Variants in DDX10 observed in about 807,000 individuals in gnomAD.
DDX10 encodes probable ATP-dependent RNA helicase DDX10.
DDX10 carries 74 observed loss-of-function variants against 104.3 expected under a neutral mutation model. The ratio of observed to expected loss-of-function variants is 0.71; its 90% CI spans 0.59 to 0.86. The LOEUF is 0.86. Among genes scored for constraint, DDX10 ranks in the 40% least tolerant of loss-of-function variants. The pLI, the probability that DDX10 is intolerant of heterozygous loss-of-function variation, is 0.00. For synonymous variants in DDX10, 351 were observed against 353.4 expected, an observed-to-expected ratio of 0.99 and a Z score of 0.08; for missense variants, 952 against 1,040.0, an observed-to-expected ratio of 0.92 and a Z score of 1.16.
chr11:108,783,057 T>A (rs1861729201), intron 13 of DDX10, among the ~76,000 whole-genome samples: 2 of 152,202 alleles, frequency 1.3e-5, no homozygotes, highest in African/African-American at 4.8e-5. Flanking sequence ...ATTCATCGCC[T>A]CTTTGAATCC....
At chr11:108,804,018 A>G (rs1862062228) in intron 13 of DDX10, among the ~76,000 whole-genome samples, 1 of 152,078 alleles carries the variant, frequency 6.6e-6, no homozygotes, top group Non-Finnish European at 1.5e-5. Flanking sequence ...CTGCTCTCTT[A>G]TTTTTAGTTT....
intron 9 of DDX10, among the ~76,000 whole-genome samples, chr11:108,700,775 C>A (rs113974761): frequency 6.6e-6 from 1 of 152,088 alleles, no homozygotes; most frequent in Non-Finnish European, 1.5e-5. Context: ...TTAATTGTAT[C>A]TAACTCTTAT....
At chr11:108,766,526 A>G (rs530205153) in intron 13 of DDX10, among the ~76,000 whole-genome samples, 50 of 152,306 alleles carry the variant, frequency 3.3e-4, no homozygotes, top group African/African-American at 1.1e-3. Context: ...TAGAACACAC[A>G]CTATGTGACG....
chr11:108,898,517 CAG>C, intron 16 of DDX10, among the ~76,000 whole-genome samples: 1 of 152,054 alleles, frequency 6.6e-6, no homozygotes, highest in East Asian at 1.9e-4. Context: ...ACAAATGACA[CAG>C]AAAGACAGAG....
chr11:108,852,228 T>C lies in DDX10; in HGVS notation c.2304+19T>C. ...AGCAAAGGTAAGGGTTTATATACATTTATTTTTCCAAGCTCTATTAAGGTA... is the reference window on the plus strand; with the variant it reads ...AGCAAAGGTAAGGGTTTATATACATCTATTTTTCCAAGCTCTATTAAGGTA... On this transcript the variant is annotated intron_variant, in intron 16 of 17. Transcript: ENST00000322536. 2 of 1,598,654 alleles carry C rather than the reference T, an allele frequency of 1.3e-6. No homozygotes were observed. The highest frequency in any genetic ancestry group is 1.7e-6 in the Non-Finnish European group (2 of 1,170,308).
At chr11:108,846,390 C>T (rs1183834325) in intron 15 of DDX10, among the ~76,000 whole-genome samples, 2 of 152,144 alleles carry the variant, frequency 1.3e-5, no homozygotes, top group Non-Finnish European at 2.9e-5. Flanking sequence ...AAACTTTATA[C>T]ACTATAACCA....
At chr11:108,811,119 GAGTATA>G (rs1352300798) in intron 13 of DDX10, among the ~76,000 whole-genome samples, 1 of 152,178 alleles carries the variant, frequency 6.6e-6, no homozygotes, top group East Asian at 1.9e-4. Flanking sequence ...TACACTGTGT[GAGTATA>G]TATTGACTAT....
At chr11:108,711,007 C>T (rs923331563) in intron 10 of DDX10, among the ~76,000 whole-genome samples, 2 of 152,166 alleles carry the variant, frequency 1.3e-5, no homozygotes, top group Non-Finnish European at 2.9e-5. Flanking sequence ...TCAAGCAGTC[C>T]TCCTGCCTTG....
At chr11:108,877,591 G>A (rs970840288) in intron 16 of DDX10, among the ~76,000 whole-genome samples, 1 of 152,206 alleles carries the variant, frequency 6.6e-6, no homozygotes, top group Non-Finnish European at 1.5e-5. Flanking sequence ...AGCGATGTCG[G>A]TTATGCATGA....
intron 7 of DDX10, chr11:108,690,832 C>A: frequency 5.4e-6 from 1 of 184,202 alleles, no homozygotes; most frequent in Non-Finnish European, 1.1e-5. Flanking sequence ...GACTGGCATC[C>A]ACCCCTTGGC....
intron 9 of DDX10, among the ~76,000 whole-genome samples, chr11:108,694,153 T>C (rs996291249): frequency 2.0e-5 from 3 of 152,196 alleles, no homozygotes; most frequent in African/African-American, 7.2e-5. Flanking sequence ...TATGAATTGT[T>C]TATTTCTGGA....
At chr11:108,838,411 C>A in intron 13 of DDX10, 35 bp from the exon 14 acceptor site, 1 of 1,587,490 alleles carries the variant, frequency 6.3e-7, no homozygotes, top group South Asian at 1.2e-5. Context: ...AACCATTTTC[C>A]TAATCATCTG....
intron 6 of DDX10, among the ~76,000 whole-genome samples, chr11:108,687,296 A>T (rs1167869535): frequency 6.6e-6 from 1 of 151,850 alleles, no homozygotes; most frequent in Non-Finnish European, 1.5e-5. Flanking sequence ...TATGATATGG[A>T]TCATCTTTAA....
Position 108,716,921 on chromosome 11 carries a change from CT to C in DDX10, c.1410+967del, listed in dbSNP as rs559505105. Among the ~76,000 whole-genome samples, 214 of 146,320 alleles carry C rather than the reference CT, an allele frequency of 1.5e-3. 2 individuals are homozygous for C. Among genetic ancestry groups the C allele is most frequent in the African/African-American group, 4.3e-3 (171 of 40,102 alleles). On this transcript the variant is annotated intron_variant, in intron 11 of 17. Coordinates refer to ENST00000322536, the MANE Select transcript of DDX10 (RefSeq NM_004398.4). ...TGGTGAGAAATCTATTTTAGTTAAACTTTTTTTTTTTTAAAGTTTTTAGAAT... is the reference window on the plus strand; with the variant it reads ...TGGTGAGAAATCTATTTTAGTTAAACTTTTTTTTTTTAAAGTTTTTAGAAT...
At chr11:108,755,297 C>CT (rs1336328427) in intron 13 of DDX10, among the ~76,000 whole-genome samples, 1 of 151,978 alleles carries the variant, frequency 6.6e-6, no homozygotes, top group African/African-American at 2.4e-5. Flanking sequence ...CTTGAAGTTA[C>CT]TTTTTATAGC....
At chr11:108,752,868 T>C (rs988585396) in intron 13 of DDX10, among the ~76,000 whole-genome samples, 1 of 152,144 alleles carries the variant, frequency 6.6e-6, no homozygotes, top group Non-Finnish European at 1.5e-5. Context: ...CCTCGGAGAT[T>C]AAATTCCTAG....
At chr11:108,755,162 A>G (rs1262732400) in intron 13 of DDX10, among the ~76,000 whole-genome samples, 1 of 151,986 alleles carries the variant, frequency 6.6e-6, no homozygotes, top group Admixed American at 6.6e-5. Context: ...AAAAACCTAG[A>G]GGTGTCCATG....
intron 13 of DDX10, among the ~76,000 whole-genome samples, chr11:108,800,688 C>T (rs546599624): frequency 6.6e-6 from 1 of 152,232 alleles, no homozygotes; most frequent in African/African-American, 2.4e-5. Context: ...TATTGTTTCC[C>T]ATCAATATGT....
chr11:108,674,175 A>G (rs1691955508), intron 2 of DDX10, among the ~76,000 whole-genome samples: 1 of 152,026 alleles, frequency 6.6e-6, no homozygotes, highest in South Asian at 2.1e-4. Flanking sequence ...TACAAAAATT[A>G]GCTGGGTGTG....
Sources: allele counts gnomAD v4.1 joint callset (sites outside exome capture counted in the v4.1 genomes callset), GRCh38; gene constraint gnomAD v4.1.1; transcripts MANE v1.5; gene names NCBI Gene and HGNC (gene_info 2026-07-23, HGNC 2026-07-21).